UBAC1: variants seen among roughly 807,000 people sequenced by gnomAD.
The protein encoded by UBAC1 is ubiquitin-associated domain-containing protein 1.
A neutral mutation model predicts 45.9 loss-of-function variants in UBAC1; 27 were observed. That is an observed-to-expected ratio of 0.59 (90% confidence interval 0.43 to 0.81). The LOEUF is 0.81. Among genes scored for constraint, UBAC1 ranks in the 30% least tolerant of loss-of-function variants. UBAC1 has a pLI of 0.00. For synonymous variants in UBAC1, 227 were observed against 215.5 expected, an observed-to-expected ratio of 1.05 and a Z score of -0.47; for missense variants, 529 against 539.2, an observed-to-expected ratio of 0.98 and a Z score of 0.19.
Position 135,961,350 on chromosome 9 carries a change from C to G in UBAC1, c.-188G>C, listed in dbSNP as rs1226820920. Reference sequence around the variant, plus strand: ...TCAGCGGTCGCCTCGCTCCCGCCGCCGCAGCAGCCGCCGGGGGCGCGCCGT... The same window carrying G: ...TCAGCGGTCGCCTCGCTCCCGCCGCGGCAGCAGCCGCCGGGGGCGCGCCGT... On this transcript the variant is annotated 5_prime_UTR_variant, in exon 1 of 10. Coordinates refer to ENST00000371756, the MANE Select transcript of UBAC1 (RefSeq NM_016172.3). 1 of 224,526 alleles carries G rather than the reference C, an allele frequency of 4.5e-6. No homozygotes were observed. Among genetic ancestry groups the G allele is most frequent in the African/African-American group, 2.3e-5 (1 of 42,614 alleles). The allele number at this position is 224,526 out of a possible 1,614,324, so 13.9% of individuals were successfully genotyped here. A position where few individuals can be genotyped will look rare whatever the true frequency, so the allele number is the denominator to read the frequency against.
In UBAC1 at chr9:135,933,350, G is replaced by C. The variant is rs764396142; in HGVS notation, c.*50C>G. On this transcript the variant is annotated 3_prime_UTR_variant, in exon 10 of 10. Transcript: ENST00000371756. ...TGAGGTCCACTCTGCCCGGTCTCGGGCCGCACCAGGGGGCTGCTGTGGCCT... is the reference window on the plus strand; with the variant it reads ...TGAGGTCCACTCTGCCCGGTCTCGGCCCGCACCAGGGGGCTGCTGTGGCCT... 9.8e-6 allele frequency: 15 copies of C among 1,533,440 alleles called. No individual in the cohort carries two copies. The highest frequency in any genetic ancestry group is 2.7e-5 in the African/African-American group (2 of 73,318). 95.0% of individuals were successfully genotyped at this position (1,533,440 alleles called of 1,614,324 possible).
In UBAC1 at chr9:135,947,899, G is replaced by T. The variant is rs769798475; in HGVS notation, c.340C>A (p.Gln114Lys). ...TCTTTATCTGGAGCTTTCTGGTCTTGTTTTTTCTACACAGAAACGTAATCA... is the reference window on the plus strand; with the variant it reads ...TCTTTATCTGGAGCTTTCTGGTCTTTTTTTTTCTACACAGAAACGTAATCA... ...ADVSAEEKKK[Q>K]DQKAPDKEAI... The change falls in exon 4 of 10, where the codon CAA (glutamine) becomes AAA (lysine). Residue 114 changes from glutamine to lysine, a missense_variant. Transcript: ENST00000371756. 3.7e-6 allele frequency: 6 copies of T among 1,613,626 alleles called. No individual in the cohort carries two copies. In the Admixed American group the frequency reaches 1.0e-4, roughly 27 times the overall value.
At chr9:135,954,102 G>C (rs1477405381) in intron 2 of UBAC1, among the ~76,000 whole-genome samples, 1 of 146,922 alleles carries the variant, frequency 6.8e-6, no homozygotes, top group African/African-American at 2.5e-5. Context: ...TTGCACCACT[G>C]CACTCCAGCC....
rs144479483 is a variant in UBAC1 at position 135,945,188 on chromosome 9, G to A, written c.716C>T (p.Thr239Met). The change falls in exon 7 of 10, where the codon ACG becomes ATG. Residue 239 changes from threonine (T) to methionine (M), a missense_variant. By Grantham distance (81) the Thr-to-Met change is moderately conservative (BLOSUM62 -1). Coordinates refer to ENST00000371756, the MANE Select transcript of UBAC1 (RefSeq NM_016172.3). Reference sequence around the variant, plus strand: ...TGGGGGAGCTTGGCCAGGAAGAGGCGTGTCTATGGTCGGGTCTTCTGCGTG... The same window carrying A: ...TGGGGGAGCTTGGCCAGGAAGAGGCATGTCTATGGTCGGGTCTTCTGCGTG... ...IEHAEDPTID[T>M]PLPGQAPPEA... 6.2e-4 allele frequency: 1,004 copies of A among 1,612,708 alleles called. 3 individuals are homozygous for A. The Middle Eastern group carries it at 8.4e-3, about 13-fold the overall frequency.
At chr9:135,935,262 G>A (rs1421928995) in intron 9 of UBAC1, among the ~76,000 whole-genome samples, 4 of 152,192 alleles carry the variant, frequency 2.6e-5, no homozygotes. Flanking sequence ...CAAAATTAGA[G>A]AGCAAAAACA....
chr9:135,936,908 G>A (rs964412092), intron 9 of UBAC1, among the ~76,000 whole-genome samples: 4 of 152,310 alleles, frequency 2.6e-5, no homozygotes, highest in East Asian at 1.9e-4. Flanking sequence ...ACTGAACAAC[G>A]GCATCTGCAA....
chr9:135,946,060 C>G (rs1839330251), intron 5 of UBAC1, 63 bp from the exon 6 acceptor site: 10 of 1,448,480 alleles, frequency 6.9e-6, no homozygotes, highest in Middle Eastern at 1.7e-4. Flanking sequence ...TATCTGAGCA[C>G]AAACATTTGC....
At position 135,939,703 on chromosome 9, in the gene UBAC1, G is replaced by A. The variant is rs1839245917; in HGVS notation, c.933C>T (p.Leu311=). ...CATTCTGCTGGTTGTTGTTCACTCT[G>A]AGGGCATCTATCACCTCTTTCTCGT... The part of the protein sequence containing the change: ...GFDEKEVIDA[L]RVNNNQQNAA... Residue 311 remains leucine, a synonymous_variant, in exon 8 of 10, where the codon CTC becomes CTT. Coordinates refer to ENST00000371756, the MANE Select transcript of UBAC1 (RefSeq NM_016172.3). 1.2e-6 allele frequency: 2 copies of A among 1,613,878 alleles called. No homozygotes were observed. Among genetic ancestry groups the A allele is most frequent in the Non-Finnish European group, 1.7e-6 (2 of 1,179,908 alleles).
intron 3 of UBAC1, chr9:135,948,167 G>A (rs1190037922): frequency 7.4e-6 from 3 of 404,600 alleles, no homozygotes; most frequent in East Asian, 8.5e-5. Flanking sequence ...GTCACAGAAC[G>A]ACAACCACAC....
chr9:135,944,967 T>C, intron 7 of UBAC1, 61 bp downstream of exon 7: 2 of 1,509,918 alleles, frequency 1.3e-6, no homozygotes, highest in Non-Finnish European at 1.8e-6. Context: ...TTCCTTTCCA[T>C]GGCGCCACCT....
At chr9:135,960,203 A>G (rs948049916) in intron 1 of UBAC1, among the ~76,000 whole-genome samples, 1 of 152,222 alleles carries the variant, frequency 6.6e-6, no homozygotes, top group African/African-American at 2.4e-5. Context: ...TATAGACAGG[A>G]GGTCAGTCTG....
chr9:135,946,197 C>T (rs373267083), intron 5 of UBAC1, 72 bp downstream of exon 5: 34 of 1,173,078 alleles, frequency 2.9e-5, no homozygotes, highest in Non-Finnish European at 4.1e-5. Flanking sequence ...GTGGTCAGTG[C>T]GTGGAGCTGC....
intron 9 of UBAC1, among the ~76,000 whole-genome samples, chr9:135,935,470 A>AC (rs1430984153): frequency 6.6e-6 from 1 of 151,866 alleles, no homozygotes; most frequent in East Asian, 1.9e-4. Context: ...AAAAAACGAG[A>AC]CCCCATCTCA....
intron 8 of UBAC1, among the ~76,000 whole-genome samples, chr9:135,938,856 G>A (rs1475539979): frequency 6.6e-6 from 1 of 152,220 alleles, no homozygotes; most frequent in Admixed American, 6.5e-5. Context: ...CCCAGGCACA[G>A]CTCCATCAGC....
At chr9:135,936,185 AG>A (rs1839201699) in intron 9 of UBAC1, among the ~76,000 whole-genome samples, 2 of 152,064 alleles carry the variant, frequency 1.3e-5, no homozygotes, top group South Asian at 2.1e-4. Context: ...TATTTCTATT[AG>A]GAAAAAAAAA....
chr9:135,944,288 T>C (rs982205044), intron 7 of UBAC1, among the ~76,000 whole-genome samples: 2 of 152,132 alleles, frequency 1.3e-5, no homozygotes, highest in Non-Finnish European at 2.9e-5. Flanking sequence ...CCCAGGTGGA[T>C]GTCTACAGCC....
intron 3 of UBAC1, among the ~76,000 whole-genome samples, chr9:135,950,671 A>C (rs188459246): frequency 6.6e-6 from 1 of 152,334 alleles, no homozygotes; most frequent in East Asian, 1.9e-4. Context: ...CCCTCAAGGG[A>C]GGAGAGAGGG....
At chr9:135,941,309 G>A (rs1204675165) in intron 7 of UBAC1, among the ~76,000 whole-genome samples, 1 of 152,188 alleles carries the variant, frequency 6.6e-6, no homozygotes, top group African/African-American at 2.4e-5. Context: ...GGGAGCCTGA[G>A]GCAGGAGAAT....
rs867506208 is a variant in UBAC1, at chr9:135,957,615, T to A, written c.139-2200A>T. On this transcript the variant is annotated intron_variant, in intron 1 of 9. Coordinates refer to ENST00000371756, the MANE Select transcript of UBAC1 (RefSeq NM_016172.3). ...GCCCTCACACCCCCACCCCACTCCA[T>A]CCTGCTCCTCCCCAGAAGAGTAGTG... 3.3e-5 allele frequency among the ~76,000 whole-genome samples: 5 copies of A among 151,798 alleles called. No homozygotes were observed. The South Asian group carries it at 1.0e-3, about 32-fold the overall frequency.
Sources: allele counts gnomAD v4.1 joint callset (sites outside exome capture counted in the v4.1 genomes callset), GRCh38; gene constraint gnomAD v4.1.1; transcripts MANE v1.5; gene names NCBI Gene and HGNC (gene_info 2026-07-23, HGNC 2026-07-21).